Variants in PYGL observed in about 807,000 individuals in gnomAD.
PYGL encodes glycogen phosphorylase, liver form.
A neutral mutation model predicts 100.1 loss-of-function variants in PYGL; 90 were observed. That is an observed-to-expected ratio of 0.90 (90% confidence interval 0.76 to 1.07). The LOEUF is 1.07. Among genes scored for constraint, PYGL ranks in the 50% least tolerant of loss-of-function variants. The pLI is 0.00. For missense variants in PYGL, 1,016 were observed against 1,057.6 expected (o/e 0.96, Z 0.55); for synonymous variants, 373 against 393.0 (o/e 0.95, Z 0.60).
intron 5 of PYGL, 143 bp downstream of exon 5, chr14:50,923,826 G>T: frequency 9.1e-7 from 1 of 1,094,806 alleles, no homozygotes; most frequent in Non-Finnish European, 1.3e-6. Flanking sequence ...AGAAGTAACA[G>T]ATTTATTTAC....
rs757855680 is a variant in PYGL, at chr14:50,909,992, C to T, written c.2080G>A (p.Asp694Asn). ...LNGALTIGTM[D>N]GANVEMAEEA... ...TCTGCCATTTCCACATTGGCCCCATCCATGGTCCCGATAGTTAGGGCCCCA... is the reference window on the plus strand; with the variant it reads ...TCTGCCATTTCCACATTGGCCCCATTCATGGTCCCGATAGTTAGGGCCCCA... Residue 694 changes from aspartate (D) to asparagine (N), a missense_variant, in exon 17 of 20, where the codon GAT (aspartate) becomes AAT (asparagine). Asp to Asn is a conservative substitution (Grantham distance 23). Coordinates refer to ENST00000216392, the MANE Select transcript of PYGL (RefSeq NM_002863.5). The T allele has an allele frequency of 3.1e-6, 5 of 1,614,230 alleles. No homozygotes were observed. In the Admixed American group the frequency reaches 8.3e-5, roughly 27 times the overall value.
chr14:50,915,180 T>C, intron 11 of PYGL, 156 bp downstream of exon 11: 2 of 877,544 alleles, frequency 2.3e-6, no homozygotes, highest in Non-Finnish European at 3.4e-6. Flanking sequence ...TTTCTTTTCT[T>C]TTTTTTTTTT....
rs187939933 is a variant in PYGL, at chr14:50,937,811, A to C, written c.270T>G (p.Phe90Leu). The C allele has an allele frequency of 1.7e-5, 27 of 1,613,978 alleles. No individual in the cohort carries two copies. Among genetic ancestry groups the C allele is most frequent in the Non-Finnish European group, 2.2e-5 (26 of 1,179,848 alleles). ...TGTTCTGTAATGTTCGGCCCATGTA[A>C]AATTCCAGAGAGAGGTAATATACCC... is the stretch of plus-strand genomic sequence containing the variant. ...PKRVYYLSLE[F>L]YMGRTLQNTM... Residue 90 changes from phenylalanine (F) to leucine (L), a missense_variant, in exon 2 of 20, where the codon TTT becomes TTG. Physicochemically the swap from Phe to Leu is conservative, Grantham distance 22. Coordinates refer to ENST00000216392, the MANE Select transcript of PYGL (RefSeq NM_002863.5).
intron 2 of PYGL, among the ~76,000 whole-genome samples, chr14:50,937,415 TAGC>T (rs34660650): frequency 0.22 from 33,129 of 152,096 alleles, 4,384 homozygotes; most frequent in East Asian, 0.46. Flanking sequence ...GTGATTCTGA[TAGC>T]AGAAGACTCA....
chr14:50,937,777 T>C lies in PYGL; in HGVS notation c.304A>G (p.Asn102Asp). 1 of 1,614,094 alleles carries C rather than the reference T, an allele frequency of 6.2e-7. No homozygotes were observed. Among genetic ancestry groups the C allele is most frequent in the African/African-American group, 1.3e-5 (1 of 75,014 alleles). Reference sequence around the variant, plus strand: ...TCACAGGCATTTTGCAGACCGAGGTTGATCATGGTGTTCTGTAATGTTCGG... The same window carrying C: ...TCACAGGCATTTTGCAGACCGAGGTCGATCATGGTGTTCTGTAATGTTCGG... ...MGRTLQNTMI[N>D]LGLQNACDEA... is the part of the protein sequence containing the mutation. The change falls in exon 2 of 20, where the codon AAC becomes GAC. Residue 102 changes from asparagine to aspartate, a missense_variant. Physicochemically the swap from Asn to Asp is conservative, Grantham distance 23. Coordinates refer to ENST00000216392, the MANE Select transcript of PYGL (RefSeq NM_002863.5).
At chr14:50,920,151 A>T (rs943071537) in intron 7 of PYGL, among the ~76,000 whole-genome samples, 1 of 152,228 alleles carries the variant, frequency 6.6e-6, no homozygotes, top group Non-Finnish European at 1.5e-5. Flanking sequence ...GAAAGAGCCT[A>T]GTCAGTGAGA....
Position 50,935,167 on chromosome 14 carries a change from C to T in PYGL, c.364G>A (p.Glu122Lys), listed in dbSNP as rs144099482. ...GCATCTTCTTCAATTTCTTCTAACT[C>T]TTCTATATCCAATCCAAGCTGGTAA... Reference protein sequence around the residue: ...AIYQLGLDIEELEEIEEDAGL... With the variant: ...AIYQLGLDIEKLEEIEEDAGL... The change falls in exon 3 of 20, where the codon GAG becomes AAG. Residue 122 changes from glutamate to lysine, a missense_variant. Coordinates refer to ENST00000216392, the MANE Select transcript of PYGL (RefSeq NM_002863.5). 1.5e-4 allele frequency: 234 copies of T among 1,612,214 alleles called. No individual in the cohort carries two copies. The highest frequency in any genetic ancestry group is 2.0e-4 in the Admixed American group (12 of 60,014).
chr14:50,938,912 CTA>C (rs1444257354), intron 1 of PYGL, among the ~76,000 whole-genome samples: 1 of 152,122 alleles, frequency 6.6e-6, no homozygotes, highest in East Asian at 1.9e-4. Context: ...GCTGAGTTGG[CTA>C]TGACTATCTC....
rs748254127 is a variant in PYGL, at chr14:50,916,637, C to T, written c.1092+5G>A. On this transcript the variant is annotated splice_donor_5th_base_variant and intron_variant, in intron 9 of 19. Transcript: ENST00000216392. ...TAAAGGAAAAAGAAGCCAAACTATC[C>T]AGACCTTGGACCAGGGCAGTTTTTC... 2 of 1,607,916 alleles carry T rather than the reference C, an allele frequency of 1.2e-6. No homozygotes were observed. The highest frequency in any genetic ancestry group is 4.5e-5 in the East Asian group (2 of 44,842).
intron 4 of PYGL, among the ~76,000 whole-genome samples, chr14:50,929,438 G>C (rs1012716120): frequency 6.6e-6 from 1 of 151,990 alleles, no homozygotes. Flanking sequence ...ATGCTTTCTT[G>C]GTCTGATAGG....
chr14:50,929,700 T>C (rs74051858), intron 4 of PYGL, among the ~76,000 whole-genome samples: 3,299 of 152,308 alleles, frequency 0.022, 28 homozygotes, highest in African/African-American at 0.035. Context: ...TTAGATACCA[T>C]GTGTTGTTTG....
At chr14:50,927,950 A>G (rs758908874) in intron 4 of PYGL, among the ~76,000 whole-genome samples, 1 of 151,816 alleles carries the variant, frequency 6.6e-6, no homozygotes, top group African/African-American at 2.4e-5. Context: ...ATGCACTAAC[A>G]TGCCAATCAT....
At chr14:50,933,163 A>AG (rs1360477814) in intron 3 of PYGL, among the ~76,000 whole-genome samples, 1 of 152,196 alleles carries the variant, frequency 6.6e-6, no homozygotes, top group East Asian at 1.9e-4. Context: ...ACACAGAGTT[A>AG]ACCTAGCTAA....
chr14:50,928,762 C>G (rs935541857), intron 4 of PYGL, among the ~76,000 whole-genome samples: 2 of 150,994 alleles, frequency 1.3e-5, no homozygotes, highest in African/African-American at 4.9e-5. Context: ...TCAGCCTTCT[C>G]CAAATCTGCC....
chr14:50,923,856 C>T, intron 5 of PYGL, 113 bp downstream of exon 5: 1 of 1,298,736 alleles, frequency 7.7e-7, no homozygotes, highest in Non-Finnish European at 1.1e-6. Context: ...TTCTATTATT[C>T]AAAACACGAC....
In PYGL at chr14:50,908,931, C is replaced by T. The variant is rs1213077044; in HGVS notation, c.2202G>A (p.Glu734=). ...KKGYEAKEYY[E]ALPELKLVID... ...TGACCAGCTTCAGCTCTGGAAGTGC[C>T]TCATAGTATTCTTTTGCCTCGTACC... Residue 734 remains glutamate (E), a synonymous_variant, in exon 18 of 20, where the codon GAG becomes GAA. Transcript: ENST00000216392. 1 of 1,564,084 alleles carries T rather than the reference C, an allele frequency of 6.4e-7. No homozygotes were observed. The highest frequency in any genetic ancestry group is 1.1e-5 in the South Asian group (1 of 90,196).
Position 50,931,673 on chromosome 14 carries a change from C to T in PYGL, c.528G>A (p.Gln176=), listed in dbSNP as rs765076389. 2 of 1,611,776 alleles carry T rather than the reference C, an allele frequency of 1.2e-6. No individual in the cohort carries two copies. Among genetic ancestry groups the T allele is most frequent in the Non-Finnish European group, 1.7e-6 (2 of 1,177,938 alleles). The change falls in exon 4 of 20, where the codon CAG becomes CAA. Residue 176 remains glutamine (Q), a splice_region_variant and synonymous_variant. Transcript: ENST00000216392. ...AAATTTAAAAAGATGGCTCACACAC[C>T]TGCCATCCATCTCGGATCTTCTGAT... ...IFNQKIRDGW[Q]VEEADDWLRY...
intron 3 of PYGL, among the ~76,000 whole-genome samples, chr14:50,932,173 A>G (rs2050607285): frequency 6.6e-6 from 1 of 152,164 alleles, no homozygotes; most frequent in Non-Finnish European, 1.5e-5. Flanking sequence ...ACCCCACTGG[A>G]AAAGACAGTC....
rs186723950 is a variant in PYGL, at chr14:50,940,398, T to C, written c.244-2561A>G. 8.9e-4 allele frequency among the ~76,000 whole-genome samples: 135 copies of C among 152,390 alleles called. 1 individual carries two copies. The highest frequency in any genetic ancestry group is 3.2e-3 in the African/African-American group (132 of 41,594). On this transcript the variant is annotated intron_variant, in intron 1 of 19. Transcript: ENST00000216392. ...TGTATTAAATTTGCCTCCTTTTTAA[T>C]GATTCCACATTAGCACGAACTTAAG...
Sources: gnomAD v4.1 joint callset for allele counts (sites outside exome capture counted in the v4.1 genomes callset) on GRCh38, gnomAD v4.1.1 for gene constraint, MANE v1.5 for transcripts, NCBI Gene and HGNC (gene_info 2026-07-23, HGNC 2026-07-21) for gene names.